Variants in DESI2 observed in about 807,000 individuals in gnomAD.
DESI2 encodes the protein deubiquitinase DESI2.
Under a neutral mutation model 24.1 loss-of-function variants are expected in DESI2, and 10 were observed. The observed-to-expected ratio is 0.41, with a 90% CI of 0.26 to 0.70. The LOEUF is 0.70. DESI2 is among the 30% of genes least tolerant of loss of function. The pLI is 0.29. For missense variants in DESI2, 122 were observed against 234.9 expected, an observed-to-expected ratio of 0.52 and a Z score of 3.14; for synonymous variants, 71 against 87.7, an observed-to-expected ratio of 0.81 and a Z score of 1.06.
chr1:244,693,146 T>G (rs1296566450), intron 4 of DESI2, among the ~76,000 whole-genome samples: 1 of 152,138 alleles, frequency 6.6e-6, no homozygotes, highest in Non-Finnish European at 1.5e-5. Context: ...AGACCCCAAT[T>G]GGGAAAATGA....
rs559123426 is a variant in DESI2 at position 244,692,677 on chromosome 1, G to C, written c.351+657G>C. 2.0e-5 allele frequency among the ~76,000 whole-genome samples: 3 copies of C among 152,342 alleles called. No homozygotes were observed. The East Asian group carries it at 5.8e-4, about 29-fold the overall frequency. ...AAGGGTGTAAAGGAGAGAACGAGCT[G>C]CTGCTTCAGTGGCCTCCTCTGCAGA... On this transcript the variant is annotated intron_variant, in intron 4 of 4. Coordinates refer to ENST00000302550, the MANE Select transcript of DESI2 (RefSeq NM_016076.5).
chr1:244,679,348 C>T (rs1573202744), intron 1 of DESI2, among the ~76,000 whole-genome samples: 1 of 152,178 alleles, frequency 6.6e-6, no homozygotes, highest in South Asian at 2.1e-4. Flanking sequence ...AGATTATTCT[C>T]TTTAGTTCCC....
chr1:244,705,257 TCA>T (rs2148821163), intron 4 of DESI2, among the ~76,000 whole-genome samples: 1 of 152,326 alleles, frequency 6.6e-6, no homozygotes, highest in South Asian at 2.1e-4. Context: ...TCAGTGTGTC[TCA>T]CAGCAGTTGC....
rs182204913 is a variant in DESI2 at position 244,654,225 on chromosome 1, T to C, written c.42+870T>C. On this transcript the variant is annotated intron_variant, in intron 1 of 4. Coordinates refer to ENST00000302550, the MANE Select transcript of DESI2 (RefSeq NM_016076.5). ...TAGATGCATGTTTGGGTGTGTTTGC[T>C]TGCTTTGTTCTGTAGAATGGGTTTT... is the stretch of plus-strand genomic sequence containing the variant. Among the ~76,000 whole-genome samples, 405 of 152,352 alleles carry C rather than the reference T, an allele frequency of 2.7e-3. 2 individuals carry two copies. Among genetic ancestry groups the C allele is most frequent in the African/African-American group, 9.5e-3 (394 of 41,580 alleles).
chr1:244,685,632 T>TG (rs1339441684), intron 1 of DESI2, among the ~76,000 whole-genome samples: 2 of 152,202 alleles, frequency 1.3e-5, no homozygotes. Context: ...CTTCCAGCAA[T>TG]GCGTGAGAAT....
intron 4 of DESI2, among the ~76,000 whole-genome samples, chr1:244,703,258 T>C (rs1338414536): frequency 6.6e-6 from 1 of 152,150 alleles, no homozygotes; most frequent in Non-Finnish European, 1.5e-5. Context: ...TACCTCTGCC[T>C]CCCAAAGTGC....
chr1:244,658,136 G>A (rs1260102655), intron 1 of DESI2, among the ~76,000 whole-genome samples: 3 of 152,030 alleles, frequency 2.0e-5, no homozygotes, highest in Non-Finnish European at 2.9e-5. Context: ...GCCTCCTTAC[G>A]AGTTTCAGTC....
Position 244,708,118 on chromosome 1 carries a change from A to G in DESI2, c.*2329A>G, listed in dbSNP as rs1223477333. 6.6e-6 allele frequency: 1 copy of G among 152,212 alleles called. No individual in the cohort carries two copies. Among genetic ancestry groups the G allele is most frequent in the Admixed American group, 6.5e-5 (1 of 15,286 alleles). 9.4% of individuals were successfully genotyped at this position (152,212 alleles called of 1,614,324 possible). On this transcript the variant is annotated 3_prime_UTR_variant, in exon 5 of 5. Coordinates refer to ENST00000302550, the MANE Select transcript of DESI2 (RefSeq NM_016076.5). Reference sequence around the variant, plus strand: ...CCAGCTTTTTCTTGCCCTTGGAGAAAAAGAATCATTCTCAACCTGATAATC... The same window carrying G: ...CCAGCTTTTTCTTGCCCTTGGAGAAGAAGAATCATTCTCAACCTGATAATC...
intron 1 of DESI2, among the ~76,000 whole-genome samples, chr1:244,683,966 A>G (rs1449018164): frequency 6.6e-6 from 1 of 151,818 alleles, no homozygotes; most frequent in Non-Finnish European, 1.5e-5. Context: ...CAACCTCCCA[A>G]AGTACTGGAA....
chr1:244,660,988 G>T (rs768936500), intron 1 of DESI2, among the ~76,000 whole-genome samples: 1 of 151,880 alleles, frequency 6.6e-6, no homozygotes, highest in Non-Finnish European at 1.5e-5. Context: ...TGTAAGGCTC[G>T]CTGAAAAAAA....
At chr1:244,705,101 A>G (rs1408351215) in intron 4 of DESI2, among the ~76,000 whole-genome samples, 2 of 152,184 alleles carry the variant, frequency 1.3e-5, no homozygotes, top group Non-Finnish European at 2.9e-5. Context: ...CACTGGAGAA[A>G]AGGGGAAAGT....
intron 1 of DESI2, chr1:244,653,907 TTA>T (rs1321582313): frequency 2.1e-6 from 1 of 471,088 alleles, no homozygotes; most frequent in Non-Finnish European, 4.4e-6. Flanking sequence ...TCCTTGTGTG[TTA>T]AAGGCAACCT....
At chr1:244,703,598 G>A (rs1677565836) in intron 4 of DESI2, among the ~76,000 whole-genome samples, 1 of 151,678 alleles carries the variant, frequency 6.6e-6, no homozygotes, top group Middle Eastern at 3.2e-3. Context: ...TAATCCTCCT[G>A]CCTTGGACTT....
At chr1:244,695,233 C>A (rs554599461) in intron 4 of DESI2, among the ~76,000 whole-genome samples, 2 of 152,324 alleles carry the variant, frequency 1.3e-5, no homozygotes, top group East Asian at 3.9e-4. Context: ...TTTCCCTACC[C>A]TTCCAAAAGC....
At chr1:244,683,322 C>CTTTTTTTTTTTTTTTTTTTTTTTTTT (rs1558660353) in intron 1 of DESI2, among the ~76,000 whole-genome samples, 1 of 151,772 alleles carries the variant, frequency 6.6e-6, no homozygotes, top group African/African-American at 2.4e-5. Context: ...TTACTTTTTT[C>CTTTTTTTTTTTTTTTTTTTTTTTTTT]TTTTTTTGAG....
At chr1:244,696,659 C>T (rs997720797) in intron 4 of DESI2, among the ~76,000 whole-genome samples, 3 of 152,102 alleles carry the variant, frequency 2.0e-5, no homozygotes, top group Admixed American at 2.0e-4. Flanking sequence ...CAAGTTGGTT[C>T]CTATACAGAA....
In DESI2 at chr1:244,653,203, A is replaced by T. The variant is rs937196135; in HGVS notation, c.-111A>T. On this transcript the variant is annotated 5_prime_UTR_variant, in exon 1 of 5. Coordinates refer to ENST00000302550, the MANE Select transcript of DESI2 (RefSeq NM_016076.5). Reference sequence around the variant, plus strand: ...CCCCGGCTGCCGCGGGCCGGGCTGTACGCTTAGTGCCCGGCTCAGGCCCCC... The same window carrying T: ...CCCCGGCTGCCGCGGGCCGGGCTGTTCGCTTAGTGCCCGGCTCAGGCCCCC... 40 of 1,164,338 alleles carry T rather than the reference A, an allele frequency of 3.4e-5. No homozygotes were observed. Among genetic ancestry groups the T allele is most frequent in the Non-Finnish European group, 4.2e-5 (37 of 875,158 alleles). 72.1% of individuals were successfully genotyped at this position (1,164,338 alleles called of 1,614,324 possible).
At chr1:244,699,519 T>C (rs1404796223) in intron 4 of DESI2, among the ~76,000 whole-genome samples, 1 of 127,270 alleles carries the variant, frequency 7.9e-6, no homozygotes, top group East Asian at 2.4e-4. Flanking sequence ...GAGGGGGAGG[T>C]TGCAGGGAGC....
At chr1:244,697,597 C>A (rs12145569) in intron 4 of DESI2, among the ~76,000 whole-genome samples, 59,032 of 151,768 alleles carry the variant, frequency 0.39, 13,042 homozygotes, top group Middle Eastern at 0.51. Context: ...TGAGCTGTTG[C>A]CTGTTATGAA....
Sources: allele counts gnomAD v4.1 joint callset (sites outside exome capture counted in the v4.1 genomes callset), GRCh38; gene constraint gnomAD v4.1.1; transcripts MANE v1.5; gene names NCBI Gene and HGNC (gene_info 2026-07-23, HGNC 2026-07-21).